SORCS3: variants seen among roughly 807,000 people sequenced by gnomAD.
SORCS3 encodes the protein sortilin related VPS10 domain containing receptor 3.
SORCS3 carries 57 observed loss-of-function variants against 146.3 expected under a neutral mutation model. The observed-to-expected ratio is 0.39, with a 90% CI of 0.31 to 0.49. SORCS3 has a LOEUF of 0.49. Ranked by LOEUF, SORCS3 falls within the 20% of genes least tolerant of loss-of-function variation. The pLI is 0.92. For synonymous variants in SORCS3, 653 were observed against 618.5 expected (o/e 1.06, Z -0.83); for missense variants, 1,341 against 1,575.5 (o/e 0.85, Z 2.52).
intron 2 of SORCS3, among the ~76,000 whole-genome samples, chr10:104,912,668 A>T (rs527531699): frequency 7.9e-5 from 12 of 152,330 alleles, no homozygotes; most frequent in Admixed American, 7.8e-4. Context: ...AATTAAAACA[A>T]TACAAAAACT....
At chr10:105,147,950 T>TA (rs1323284156) in intron 9 of SORCS3, among the ~76,000 whole-genome samples, 154 bp downstream of exon 9, 6 of 152,124 alleles carry the variant, frequency 3.9e-5, no homozygotes, top group Non-Finnish European at 8.8e-5. Context: ...TATGCCTCAA[T>TA]TCTAGTAAAA....
chr10:104,738,974 A>G (rs2016810250), intron 1 of SORCS3, among the ~76,000 whole-genome samples: 1 of 152,124 alleles, frequency 6.6e-6, no homozygotes, highest in South Asian at 2.1e-4. Flanking sequence ...GCAGAGATGA[A>G]TGTTTCAAGG....
intron 1 of SORCS3, among the ~76,000 whole-genome samples, chr10:104,704,022 GTGGTTGGA>G (rs1294310604): frequency 6.6e-6 from 1 of 152,154 alleles, no homozygotes; most frequent in African/African-American, 2.4e-5. Flanking sequence ...TGGCCTTTGG[GTGGTTGGA>G]TAAGCATTTC....
At chr10:105,251,323 C>T (rs1358174531) in intron 22 of SORCS3, among the ~76,000 whole-genome samples, 1 of 152,086 alleles carries the variant, frequency 6.6e-6, no homozygotes, top group East Asian at 1.9e-4. Flanking sequence ...TGGGGGAAAC[C>T]ACCCCCAGGA....
intron 2 of SORCS3, among the ~76,000 whole-genome samples, chr10:104,884,671 TGA>T (rs2018664004): frequency 6.6e-6 from 1 of 152,092 alleles, no homozygotes; most frequent in Non-Finnish European, 1.5e-5. Context: ...GTGACCTTTT[TGA>T]GAGGTAATTT....
chr10:104,831,523 G>A (rs1229539331), intron 1 of SORCS3, among the ~76,000 whole-genome samples: 2 of 152,160 alleles, frequency 1.3e-5, no homozygotes, highest in Admixed American at 6.6e-5. Context: ...GGTGATCAGT[G>A]CAAAGCATTT....
chr10:105,247,797 A>G (rs1235730837), intron 22 of SORCS3, among the ~76,000 whole-genome samples: 1 of 152,214 alleles, frequency 6.6e-6, no homozygotes, highest in South Asian at 2.1e-4. Context: ...GGATTAAAGA[A>G]GGAAGAAGAG....
At chr10:105,244,258 C>T (rs998921198) in intron 20 of SORCS3, among the ~76,000 whole-genome samples, 1 of 151,404 alleles carries the variant, frequency 6.6e-6, no homozygotes, top group Non-Finnish European at 1.5e-5. Flanking sequence ...CAAGATTCTT[C>T]TTTCCAGGAA....
chr10:104,997,954 C>T (rs73334043), intron 4 of SORCS3, among the ~76,000 whole-genome samples: 8,135 of 152,194 alleles, frequency 0.053, 250 homozygotes, highest in Middle Eastern at 0.082. Context: ...CTGAGATGAT[C>T]AGCAGGAAAT....
intron 1 of SORCS3, among the ~76,000 whole-genome samples, chr10:104,679,085 T>C (rs1420165829): frequency 1.3e-5 from 2 of 152,194 alleles, no homozygotes; most frequent in African/African-American, 4.8e-5. Flanking sequence ...GATGAGAAGT[T>C]GCAAGGAGGT....
chr10:104,642,064 G>C, intron 1 of SORCS3, 110 bp downstream of exon 1: 3 of 1,290,486 alleles, frequency 2.3e-6, no homozygotes, highest in Non-Finnish European at 2.1e-6. Context: ...GGCGGGGGAC[G>C]CCTCGACTTT....
chr10:104,920,119 C>T (rs545637780), intron 3 of SORCS3, among the ~76,000 whole-genome samples: 1 of 152,162 alleles, frequency 6.6e-6, no homozygotes, highest in Non-Finnish European at 1.5e-5. Context: ...TCTGTAGCAA[C>T]CCATTTCATC....
At chr10:104,975,314 C>T (rs951901635) in intron 3 of SORCS3, among the ~76,000 whole-genome samples, 3 of 152,012 alleles carry the variant, frequency 2.0e-5, no homozygotes, top group Non-Finnish European at 4.4e-5. Context: ...TTCACAATTG[C>T]TTCAAAGAGA....
At chr10:104,794,339 G>C (rs1222135745) in intron 1 of SORCS3, among the ~76,000 whole-genome samples, 1 of 152,156 alleles carries the variant, frequency 6.6e-6, no homozygotes, top group East Asian at 1.9e-4. Flanking sequence ...TCCTTCAAGA[G>C]TTGATGGCTG....
intron 17 of SORCS3, among the ~76,000 whole-genome samples, chr10:105,213,032 A>G (rs1463434659): frequency 2.0e-5 from 3 of 152,220 alleles, no homozygotes; most frequent in Admixed American, 2.0e-4. Flanking sequence ...AAATATTATC[A>G]TTTCAACTGT....
At chr10:105,262,608 T>C (rs2056969083) in intron 26 of SORCS3, 117 bp downstream of exon 26, 2 of 1,044,728 alleles carry the variant, frequency 1.9e-6, no homozygotes, top group Non-Finnish European at 2.7e-6. Flanking sequence ...CTACCTACAG[T>C]GACAGAATCA....
At chr10:104,743,886 G>A (rs2016878278) in intron 1 of SORCS3, among the ~76,000 whole-genome samples, 1 of 152,148 alleles carries the variant, frequency 6.6e-6, no homozygotes, top group Non-Finnish European at 1.5e-5. Context: ...AAAGGCTAAA[G>A]CTACAATAAA....
At chr10:104,764,351 G>C (rs1383342982) in intron 1 of SORCS3, among the ~76,000 whole-genome samples, 1 of 152,180 alleles carries the variant, frequency 6.6e-6, no homozygotes, top group Non-Finnish European at 1.5e-5. Context: ...CCAGCTTCCA[G>C]GTGATGCCAA....
At position 104,901,618 on chromosome 10, in the gene SORCS3, G is replaced by A. The variant is rs141873066; in HGVS notation, c.696-14215G>A. ...CCCCTCACCTACAGTCTCTCCAGGA[G>A]AGGACTGTCTCTGAATTTCACCAAT... On this transcript the variant is annotated intron_variant, in intron 2 of 26. Transcript: ENST00000369701. 2.4e-3 allele frequency among the ~76,000 whole-genome samples: 365 copies of A among 152,186 alleles called. 1 individual carries two copies. Among genetic ancestry groups the A allele is most frequent in the African/African-American group, 8.3e-3 (346 of 41,520 alleles).
Sources: gnomAD v4.1 joint callset for allele counts (sites outside exome capture counted in the v4.1 genomes callset) on GRCh38, gnomAD v4.1.1 for gene constraint, MANE v1.5 for transcripts, NCBI Gene and HGNC (gene_info 2026-07-23, HGNC 2026-07-21) for gene names.